Variants in MAST4 observed in about 807,000 individuals in gnomAD.
MAST4 encodes microtubule-associated serine/threonine-protein kinase 4.
Under a neutral mutation model 162.7 loss-of-function variants are expected in MAST4, and 89 were observed. The observed-to-expected ratio is 0.55, with a 90% CI of 0.46 to 0.65. MAST4 has a LOEUF of 0.65. Ranked by LOEUF, MAST4 falls within the 30% of genes least tolerant of loss-of-function variation. The pLI is 0.00. For synonymous variants in MAST4, 1,479 were observed against 1,361.1 expected (o/e 1.09, Z -1.91); for missense variants, 3,153 against 3,374.0 (o/e 0.93, Z 1.62).
At chr5:66,872,575 G>A (rs1761017969) in intron 3 of MAST4, among the ~76,000 whole-genome samples, 1 of 152,136 alleles carries the variant, frequency 6.6e-6, no homozygotes, top group Admixed American at 6.5e-5. Flanking sequence ...AGTGTCTAGG[G>A]CATCCCTTCC....
intron 1 of MAST4, among the ~76,000 whole-genome samples, chr5:66,665,803 A>G (rs539712342): frequency 6.6e-6 from 1 of 152,332 alleles, no homozygotes; most frequent in African/African-American, 2.4e-5. Context: ...GTGGGATGGT[A>G]TATTAGTATC....
At position 67,165,098 on chromosome 5, in the gene MAST4, G is replaced by C. The variant is rs763037915; in HGVS notation, c.5919G>C (p.Ser1973=). ...PSREKPGLRE[S]SERGPPTARS... ...GGGAGAAGCCAGGCCTGAGGGAATC[G>C]TCTGAAAGAGGCCCTCCCACAGCCA... is the stretch of plus-strand genomic sequence containing the variant. Residue 1973 remains serine (S), a synonymous_variant, in exon 29 of 29, where the codon TCG becomes TCC. Transcript: ENST00000403625. 7 of 1,591,778 alleles carry C rather than the reference G, an allele frequency of 4.4e-6. No homozygotes were observed. In the South Asian group the frequency reaches 7.9e-5, roughly 18 times the overall value.
intron 9 of MAST4, among the ~76,000 whole-genome samples, chr5:67,102,968 G>A (rs1190477281): frequency 3.3e-5 from 5 of 152,214 alleles, no homozygotes; most frequent in African/African-American, 4.8e-5. Flanking sequence ...GTTAAGTAGA[G>A]ACTGTTTTTC....
chr5:67,087,750 G>A (rs971044526), intron 5 of MAST4, among the ~76,000 whole-genome samples: 34 of 152,048 alleles, frequency 2.2e-4, no homozygotes, highest in African/African-American at 6.8e-4. Context: ...GTGTGTATAC[G>A]TATATATATA....
At position 66,755,406 on chromosome 5, in the gene MAST4, G is replaced by A. The variant is rs192926929; in HGVS notation, c.364-4303G>A. ...AGAACCCATGTGCTTGGGAATAGAA[G>A]TGTCTGAAAATGAGGTCGGAGAAAA... is the stretch of plus-strand genomic sequence containing the variant. On this transcript the variant is annotated intron_variant, in intron 1 of 28. Coordinates refer to ENST00000403625, the MANE Select transcript of MAST4 (RefSeq NM_001164664.2). 5.4e-3 allele frequency among the ~76,000 whole-genome samples: 823 copies of A among 152,304 alleles called. 7 individuals carry two copies. The highest frequency in any genetic ancestry group is 0.049 in the South Asian group (236 of 4,830).
rs542351888 is a variant in MAST4, at chr5:66,746,372, C to T, written c.364-13337C>T. ...ACAGTGAGCCTTTCTGGAACACAGT[C>T]GAACAGAGGAAGAAATGTGGGCTTT... On this transcript the variant is annotated intron_variant, in intron 1 of 28. Coordinates refer to ENST00000403625, the MANE Select transcript of MAST4 (RefSeq NM_001164664.2). 3.3e-5 allele frequency among the ~76,000 whole-genome samples: 5 copies of T among 152,220 alleles called. No homozygotes were observed. The East Asian group carries it at 9.7e-4, about 29-fold the overall frequency.
chr5:66,865,597 A>G (rs1358857529), intron 3 of MAST4, among the ~76,000 whole-genome samples: 2 of 152,220 alleles, frequency 1.3e-5, no homozygotes, highest in Non-Finnish European at 2.9e-5. Flanking sequence ...ATGTAATAGT[A>G]CTTGTGCTAC....
intron 3 of MAST4, among the ~76,000 whole-genome samples, chr5:66,869,150 T>C (rs1318168281): frequency 1.3e-5 from 2 of 152,224 alleles, no homozygotes; most frequent in Non-Finnish European, 2.9e-5. Flanking sequence ...GTTCTTCACA[T>C]AGATTAATGA....
In MAST4 at chr5:66,659,981, A is replaced by T. The variant is rs531346821; in HGVS notation, c.363+62963A>T. Among the ~76,000 whole-genome samples, 18 of 151,928 alleles carry T rather than the reference A, an allele frequency of 1.2e-4. 1 individual carries two copies. In the South Asian group the frequency reaches 3.8e-3, roughly 32 times the overall value. Reference sequence around the variant, plus strand: ...TGCTTGTGAAGACATGCTTGTGAAGACATAGAGATGTGGTTCACTGCTATA... The same window carrying T: ...TGCTTGTGAAGACATGCTTGTGAAGTCATAGAGATGTGGTTCACTGCTATA... On this transcript the variant is annotated intron_variant, in intron 1 of 28. Transcript: ENST00000403625.
intron 1 of MAST4, among the ~76,000 whole-genome samples, chr5:66,703,206 G>A (rs1474253812): frequency 6.6e-6 from 1 of 152,182 alleles, no homozygotes; most frequent in Admixed American, 6.5e-5. Flanking sequence ...GGCATTTTGA[G>A]AAAGGCTTGA....
At chr5:66,820,354 A>G (rs574931098) in intron 3 of MAST4, among the ~76,000 whole-genome samples, 26 of 152,358 alleles carry the variant, frequency 1.7e-4, no homozygotes, top group Admixed American at 5.9e-4. Context: ...ACATGTTAAC[A>G]TATGAGTTTC....
intron 3 of MAST4, chr5:66,792,644 G>A (rs1480183577): frequency 6.6e-6 from 1 of 152,068 alleles, no homozygotes; most frequent in Non-Finnish European, 1.5e-5. Context: ...TGGCTTTGCT[G>A]TCCAGTGTGC....
In MAST4 at chr5:66,749,171, G is replaced by T. The variant is rs114045523; in HGVS notation, c.364-10538G>T. Among the ~76,000 whole-genome samples the T allele has an allele frequency of 2.0e-3, 310 of 152,164 alleles. 3 individuals are homozygous for T. Among genetic ancestry groups the T allele is most frequent in the South Asian group, 0.015 (72 of 4,812 alleles). ...ATAGTGACATTTATCAGTATCACTT[G>T]TTACTGAGTGTGTCTGTGTGCCAGC... On this transcript the variant is annotated intron_variant, in intron 1 of 28. Transcript: ENST00000403625.
At chr5:66,982,399 TGTGTCTGGAC>T (rs1255602725) in intron 4 of MAST4, among the ~76,000 whole-genome samples, 1 of 152,238 alleles carries the variant, frequency 6.6e-6, no homozygotes, top group African/African-American at 2.4e-5. Flanking sequence ...GTGATCTGAA[TGTGTCTGGAC>T]ACCATGACCT....
At chr5:67,117,008 G>A (rs1432805325) in intron 12 of MAST4, among the ~76,000 whole-genome samples, 4 of 152,048 alleles carry the variant, frequency 2.6e-5, no homozygotes, top group Non-Finnish European at 5.9e-5. Context: ...CCAAATTGAC[G>A]CACCTCTTTG....
At chr5:66,649,947 C>T (rs1746110044) in intron 1 of MAST4, among the ~76,000 whole-genome samples, 1 of 151,948 alleles carries the variant, frequency 6.6e-6, no homozygotes, top group African/African-American at 2.4e-5. Context: ...TGCCCATTGG[C>T]TTCTCACTTT....
intron 1 of MAST4, among the ~76,000 whole-genome samples, chr5:66,619,809 T>G (rs934889084): frequency 6.6e-6 from 1 of 152,036 alleles, no homozygotes; most frequent in African/African-American, 2.4e-5. Flanking sequence ...TAAAAAAAAT[T>G]TATATCAAGG....
chr5:67,093,673 GT>G (rs2150811406), intron 6 of MAST4: 1 of 456,054 alleles, frequency 2.2e-6, no homozygotes, highest in South Asian at 1.6e-5. Context: ...ATAAGAACAT[GT>G]CTTCTCTTGG....
chr5:66,833,404 A>G (rs889831406), intron 3 of MAST4, among the ~76,000 whole-genome samples: 15 of 152,138 alleles, frequency 9.9e-5, no homozygotes, highest in African/African-American at 3.6e-4. Context: ...CCCATCTCCT[A>G]TTCATCCTGC....
Sources: gnomAD v4.1 joint callset for allele counts (sites outside exome capture counted in the v4.1 genomes callset) on GRCh38, gnomAD v4.1.1 for gene constraint, MANE v1.5 for transcripts, NCBI Gene and HGNC (gene_info 2026-07-23, HGNC 2026-07-21) for gene names.